AXIN2: variants seen among roughly 807,000 people sequenced by gnomAD.
AXIN2 encodes the protein axin-2.
AXIN2 carries 21 observed loss-of-function variants against 74.7 expected under a neutral mutation model. The observed-to-expected ratio is 0.28, with a 90% confidence interval of 0.20 to 0.40. The LOEUF (loss-of-function observed/expected upper bound fraction) is 0.40, where lower values mean the gene tolerates loss of function less well. AXIN2 is among the 10% of genes least tolerant of loss of function. The pLI, the probability that AXIN2 is intolerant of heterozygous loss-of-function variation, is 1.00. For missense variants in AXIN2, 1,144 were observed against 1,111.1 expected (o/e 1.03, Z -0.42); for synonymous variants, 532 against 454.9 (o/e 1.17, Z -2.16).
At chr17:65,541,696 AC>A (rs1185242398) in intron 3 of AXIN2, 139 bp from the exon 4 acceptor site, 1 of 763,066 alleles carries the variant, frequency 1.3e-6, no homozygotes, top group Non-Finnish European at 2.3e-6. Flanking sequence ...GTCTCCAGAT[AC>A]CATCGGTGCT....
rs1009795667 is a variant in AXIN2, at chr17:65,548,669, C to T, written c.956+851G>A. On this transcript the variant is annotated intron_variant, in intron 3 of 10. Transcript: ENST00000307078. ...CTGAACCAAAACCTCAAAGGACAGCCGGAGACAGGGATACCCAGGCCACAG... is the reference window on the plus strand; with the variant it reads ...CTGAACCAAAACCTCAAAGGACAGCTGGAGACAGGGATACCCAGGCCACAG... 1.8e-4 allele frequency among the ~76,000 whole-genome samples: 28 copies of T among 152,120 alleles called. 1 individual carries two copies. Among genetic ancestry groups the T allele is most frequent in the African/African-American group, 4.8e-5 (2 of 41,396 alleles).
rs773785363 is a variant in AXIN2 at position 65,537,770 on chromosome 17, G to T, written c.1266C>A (p.Pro422=). The change falls in exon 6 of 11, where the codon CCC becomes CCA. Residue 422 remains proline (P), a synonymous_variant. Coordinates refer to ENST00000307078, the MANE Select transcript of AXIN2 (RefSeq NM_004655.4). ...AGCTGCCGGAGGGCAGTAGGGAGAGGGGGTGCTGCGTGGGCGCCCCCTCCC... is the reference window on the plus strand; with the variant it reads ...AGCTGCCGGAGGGCAGTAGGGAGAGTGGGTGCTGCGTGGGCGCCCCCTCCC... The part of the protein sequence containing the change: ...NSREGAPTQH[P]LSLLPSGSYE... 1.3e-6 allele frequency: 2 copies of T among 1,586,544 alleles called. No homozygotes were observed. Among genetic ancestry groups the T allele is most frequent in the Non-Finnish European group, 1.7e-6 (2 of 1,166,138 alleles).
chr17:65,536,657 G>T, intron 7 of AXIN2, 104 bp from the exon 8 acceptor site: 1 of 1,434,008 alleles, frequency 7.0e-7, no homozygotes, highest in Non-Finnish European at 9.7e-7. Context: ...CTCAGAGAGA[G>T]AGTTAAAAAA....
At chr17:65,560,932 G>C (rs1284110034) in intron 1 of AXIN2, 1 of 148,114 alleles carries the variant, frequency 6.8e-6, no homozygotes, top group Non-Finnish European at 1.5e-5. Context: ...GCCCCCCCGG[G>C]CCGGCCGCGG....
chr17:65,558,757 G>A (rs942620865), intron 1 of AXIN2, 21 bp from the exon 2 acceptor site: 1 of 878,922 alleles, frequency 1.1e-6, no homozygotes, highest in Non-Finnish European at 1.8e-6. Context: ...AAGGAAGGGG[G>A]GAGGTGGGGA....
rs1455868964 is a variant in AXIN2 at position 65,528,654 on chromosome 17, AT to A, written c.*1321del. On this transcript the variant is annotated 3_prime_UTR_variant, in exon 11 of 11. Coordinates refer to ENST00000307078, the MANE Select transcript of AXIN2 (RefSeq NM_004655.4). ...ATTTTCCTTAAATGAACTCTTTATA[AT>A]GCATAATTTACAGTATAAGTAGAAC... is the stretch of plus-strand genomic sequence containing the variant. 1 of 518,148 alleles carries A rather than the reference AT, an allele frequency of 1.9e-6. No homozygotes were observed. The highest frequency in any genetic ancestry group is 2.5e-5 in the Admixed American group (1 of 39,726). 32.1% of individuals were successfully genotyped at this position (518,148 alleles called of 1,614,324 possible).
chr17:65,558,837 T>A (rs1013795639), intron 1 of AXIN2, 101 bp from the exon 2 acceptor site: 12 of 595,004 alleles, frequency 2.0e-5, no homozygotes, highest in Non-Finnish European at 2.7e-5. Flanking sequence ...TAAACAGGCT[T>A]TTCAACTCCT....
At chr17:65,537,913 TC>T in intron 5 of AXIN2, 78 bp from the exon 6 acceptor site, 1 of 1,476,684 alleles carries the variant, frequency 6.8e-7, no homozygotes, top group East Asian at 2.5e-5. Flanking sequence ...AACATTCGGC[TC>T]CCTACGCAGG....
chr17:65,548,828 C>T (rs1039317056), intron 3 of AXIN2, among the ~76,000 whole-genome samples: 7 of 152,192 alleles, frequency 4.6e-5, no homozygotes, highest in African/African-American at 7.2e-5. Context: ...CATCGGACCA[C>T]GCCAATGTCT....
At chr17:65,531,546 G>T (rs751016892) in intron 10 of AXIN2, among the ~76,000 whole-genome samples, 1 of 152,006 alleles carries the variant, frequency 6.6e-6, no homozygotes, top group African/African-American at 2.4e-5. Context: ...GCCACCCTCC[G>T]TCAGACCCCT....
chr17:65,558,546 T>TG lies in AXIN2; in HGVS notation c.74dup (p.Val26SerfsTer115). The stretch of plus-strand genomic sequence containing the variant: ...GGGTCTCCCCTTCTTCCCCTGGCAC[T>TG]GGGGGCCGCGGGGCATCCTCACGGA... On this transcript the variant is annotated frameshift_variant, in exon 2 of 11. Transcript: ENST00000307078. LOFTEE classifies it high-confidence loss of function. 6.2e-7 allele frequency: 1 copy of TG among 1,613,540 alleles called. No individual in the cohort carries two copies. Among genetic ancestry groups the TG allele is most frequent in the South Asian group, 1.1e-5 (1 of 91,084 alleles).
chr17:65,549,246 C>A (rs1231121269), intron 3 of AXIN2, among the ~76,000 whole-genome samples: 2 of 152,178 alleles, frequency 1.3e-5, no homozygotes, highest in African/African-American at 2.4e-5. Flanking sequence ...TATAAATATT[C>A]ATTCATCCTA....
intron 3 of AXIN2, among the ~76,000 whole-genome samples, chr17:65,548,966 A>G (rs79281762): frequency 7.5e-4 from 115 of 152,338 alleles, no homozygotes; most frequent in Admixed American, 1.3e-3. Context: ...ACACTTACTG[A>G]ATAAACGATG....
intron 3 of AXIN2, 104 bp downstream of exon 3, chr17:65,549,416 G>A (rs2044159762): frequency 2.8e-6 from 4 of 1,416,720 alleles, no homozygotes; most frequent in Admixed American, 1.9e-5. Context: ...ACATGCACAG[G>A]TGCGGTCTGC....
Position 65,538,278 on chromosome 17 carries a change from G to C in AXIN2, c.1125C>G (p.Ile375Met), listed in dbSNP as rs748945736. The C allele has an allele frequency of 1.2e-6, 2 of 1,614,106 alleles. No individual in the cohort carries two copies. Among genetic ancestry groups the C allele is most frequent in the Non-Finnish European group, 1.7e-6 (2 of 1,180,038 alleles). ...VEPATFAAEL[I>M]SRLEKLKLEL... ...CCAGCTTCAGCTTTTCCAGCCTCGA[G>C]ATCAGCTCAGCTGCAAAGGTGGCGG... The change falls in exon 5 of 11, where the codon ATC becomes ATG. Residue 375 changes from isoleucine to methionine, a missense_variant. By Grantham distance (10) the Ile-to-Met change is conservative. Around this residue, in one of 4 missense-constraint regions of AXIN2, gnomAD observed 1,053 missense variants for 973.5 expected, o/e 1.08. Transcript: ENST00000307078.
intron 3 of AXIN2, among the ~76,000 whole-genome samples, chr17:65,544,169 C>T (rs1459280382): frequency 1.3e-5 from 2 of 152,018 alleles, no homozygotes; most frequent in African/African-American, 2.4e-5. Flanking sequence ...CCCTCCAAGA[C>T]TCTTGACATT....
rs2044303762 is a variant in AXIN2, at chr17:65,558,284, C to T, written c.337G>A (p.Ala113Thr). The change falls in exon 2 of 11, where the codon GCC becomes ACC. Residue 113 changes from alanine (A) to threonine (T), a missense_variant. Coordinates refer to ENST00000307078, the MANE Select transcript of AXIN2 (RefSeq NM_004655.4). The stretch of plus-strand genomic sequence containing the variant: ...TTCATCTGCCTGAATCCATTGCAGG[C>T]AAACCAGAAGTCTAAGGTATCCACG... Reference protein sequence around the residue: ...KCVDTLDFWFACNGFRQMNLK... With the variant: ...KCVDTLDFWFTCNGFRQMNLK... The T allele has an allele frequency of 6.2e-7, 1 of 1,614,008 alleles. No homozygotes were observed. Among genetic ancestry groups the T allele is most frequent in the African/African-American group, 1.3e-5 (1 of 74,900 alleles).
intron 2 of AXIN2, among the ~76,000 whole-genome samples, chr17:65,556,058 C>T (rs1291859859): frequency 1.3e-5 from 2 of 152,170 alleles, no homozygotes; most frequent in African/African-American, 2.4e-5. Context: ...CCTTCTGGAT[C>T]TCAAAAGCTT....
intron 2 of AXIN2, among the ~76,000 whole-genome samples, chr17:65,552,573 T>G (rs2044209039): frequency 6.6e-6 from 1 of 152,162 alleles, no homozygotes; most frequent in Admixed American, 6.5e-5. Flanking sequence ...ACTGCTGGGC[T>G]GAGTCACAAC....
Sources: allele counts gnomAD v4.1 joint callset (sites outside exome capture counted in the v4.1 genomes callset), GRCh38; gene constraint gnomAD v4.1.1; regional missense constraint gnomAD v4.1.1; transcripts MANE v1.5; gene names NCBI Gene and HGNC (gene_info 2026-07-23, HGNC 2026-07-21).